SLC35F1: variants seen among roughly 807,000 people sequenced by gnomAD.
The protein encoded by SLC35F1 is solute carrier family 35 member F1, also known as chromosome 6 open reading frame 169.
Under a neutral mutation model 48.7 loss-of-function variants are expected in SLC35F1, and 14 were observed. The observed-to-expected ratio is 0.29, with a 90% CI of 0.19 to 0.45. SLC35F1 has a LOEUF of 0.45. Ranked by LOEUF, SLC35F1 falls within the 20% of genes least tolerant of loss-of-function variation. SLC35F1 has a pLI of 1.00. For synonymous variants in SLC35F1, 190 were observed against 202.2 expected (o/e 0.94, Z 0.51); for missense variants, 404 against 500.0 (o/e 0.81, Z 1.83).
intron 1 of SLC35F1, among the ~76,000 whole-genome samples, chr6:117,954,669 G>A (rs796706541): frequency 4.5e-4 from 68 of 152,252 alleles, no homozygotes; most frequent in African/African-American, 1.5e-3. Context: ...TATTCTCTCC[G>A]CTGGATATTT....
chr6:118,091,720 G>T (rs11758838), intron 1 of SLC35F1, among the ~76,000 whole-genome samples: 51,831 of 152,094 alleles, frequency 0.34, 9,393 homozygotes, highest in Middle Eastern at 0.47. Flanking sequence ...GGTTGGAACA[G>T]TTTGGAGGCC....
At chr6:117,910,721 G>A (rs1032152828) in intron 1 of SLC35F1, among the ~76,000 whole-genome samples, 1 of 152,178 alleles carries the variant, frequency 6.6e-6, no homozygotes, top group African/African-American at 2.4e-5. Flanking sequence ...GGCCAAAGGG[G>A]TAATGCTGAG....
intron 1 of SLC35F1, among the ~76,000 whole-genome samples, chr6:118,050,278 G>A (rs12199949): frequency 0.99 from 150,961 of 151,778 alleles, 75,081 homozygotes; most frequent in Middle Eastern, 1. Flanking sequence ...TGACAAGTTA[G>A]TGGGTGCAGC....
chr6:117,963,884 G>A (rs111568049), intron 1 of SLC35F1, among the ~76,000 whole-genome samples: 4 of 151,990 alleles, frequency 2.6e-5, no homozygotes, highest in Non-Finnish European at 2.9e-5. Context: ...GTAAACATGC[G>A]CCATGGTGGT....
intron 6 of SLC35F1, among the ~76,000 whole-genome samples, chr6:118,278,806 G>A (rs1224613115): frequency 1.3e-5 from 2 of 152,180 alleles, no homozygotes; most frequent in African/African-American, 2.4e-5. Context: ...CACATGCAGT[G>A]GTCCATGAGT....
Position 118,156,978 on chromosome 6 carries a change from G to A in SLC35F1, c.349+2358G>A, listed in dbSNP as rs1582700125. On this transcript the variant is annotated intron_variant, in intron 2 of 7. Transcript: ENST00000360388. ...GCTAAAAAAGCTTAGAAGATGAAAT[G>A]TAGTAAAATGCCTAGAGTTAATAAT... is the stretch of plus-strand genomic sequence containing the variant. Among the ~76,000 whole-genome samples, 3 of 152,288 alleles carry A rather than the reference G, an allele frequency of 2.0e-5. 1 individual carries two copies. The highest frequency in any genetic ancestry group is 2.0e-4 in the Admixed American group (3 of 15,302).
chr6:118,070,874 GTATATA>G (rs1278841982), intron 1 of SLC35F1, among the ~76,000 whole-genome samples: 5 of 110,038 alleles, frequency 4.5e-5, no homozygotes, highest in Admixed American at 1.1e-4. Context: ...TATATACTAT[GTATATA>G]TATACATAGT....
At chr6:117,967,103 C>G (rs955793123) in intron 1 of SLC35F1, among the ~76,000 whole-genome samples, 1 of 152,154 alleles carries the variant, frequency 6.6e-6, no homozygotes, top group African/African-American at 2.4e-5. Context: ...TTTTGAGACC[C>G]TTGCTTTCTT....
Position 118,277,563 on chromosome 6 carries a change from C to T in SLC35F1, c.847+17C>T. ...GGCAAATAGGTAAGGAGTTGGCTCA[C>T]ATACGATGCTCTTTTTATAACCTGA... On this transcript the variant is annotated intron_variant, in intron 6 of 7. Transcript: ENST00000360388. The T allele has an allele frequency of 6.2e-7, 1 of 1,611,232 alleles. No individual in the cohort carries two copies. The highest frequency in any genetic ancestry group is 8.5e-7 in the Non-Finnish European group (1 of 1,177,438).
At chr6:117,966,026 G>A (rs1776558626) in intron 1 of SLC35F1, among the ~76,000 whole-genome samples, 1 of 151,610 alleles carries the variant, frequency 6.6e-6, no homozygotes, top group Non-Finnish European at 1.5e-5. Context: ...ACTCTGTAAA[G>A]CAGGCCAATC....
chr6:118,044,209 T>G (rs1772267906), intron 1 of SLC35F1, among the ~76,000 whole-genome samples: 1 of 152,172 alleles, frequency 6.6e-6, no homozygotes. Context: ...AGGTTCTCAT[T>G]GCACCCATCA....
At chr6:117,917,289 G>T (rs1382792440) in intron 1 of SLC35F1, among the ~76,000 whole-genome samples, 1 of 152,108 alleles carries the variant, frequency 6.6e-6, no homozygotes, top group Non-Finnish European at 1.5e-5. Context: ...GTCAGAGAGG[G>T]TCAGTTGTCA....
intron 1 of SLC35F1, among the ~76,000 whole-genome samples, chr6:117,930,744 A>G (rs1426083065): frequency 1.3e-5 from 2 of 152,116 alleles, no homozygotes; most frequent in Admixed American, 6.6e-5. Flanking sequence ...GCAGGGCCCA[A>G]ACTTATTTCT....
intron 2 of SLC35F1, among the ~76,000 whole-genome samples, chr6:118,234,864 G>A (rs1341700458): frequency 8.7e-6 from 1 of 115,358 alleles, no homozygotes; most frequent in Non-Finnish European, 1.8e-5. Flanking sequence ...GAGATTCAAA[G>A]TCTGTTCTTA....
intron 4 of SLC35F1, among the ~76,000 whole-genome samples, chr6:118,273,597 A>G (rs1031872152): frequency 6.6e-6 from 1 of 152,224 alleles, no homozygotes; most frequent in Non-Finnish European, 1.5e-5. Flanking sequence ...ACTTAAAATT[A>G]AAAGTTTGTC....
At chr6:118,075,204 A>C (rs111908311) in intron 1 of SLC35F1, among the ~76,000 whole-genome samples, 2,214 of 152,340 alleles carry the variant, frequency 0.015, 61 homozygotes, top group African/African-American at 0.05. Context: ...TATGCTGGTC[A>C]GAATATAAAT....
intron 1 of SLC35F1, among the ~76,000 whole-genome samples, chr6:118,015,989 T>C (rs1253050024): frequency 6.6e-6 from 1 of 152,214 alleles, no homozygotes; most frequent in African/African-American, 2.4e-5. Flanking sequence ...GGAAGATCAT[T>C]TATAAAATTA....
intron 1 of SLC35F1, among the ~76,000 whole-genome samples, chr6:117,950,355 G>A (rs1776348225): frequency 6.6e-6 from 1 of 152,244 alleles, no homozygotes; most frequent in Non-Finnish European, 1.5e-5. Flanking sequence ...CTATCATCCT[G>A]AGGCTTGAAC....
chr6:118,105,603 C>T (rs1773316386), intron 1 of SLC35F1, among the ~76,000 whole-genome samples: 2 of 152,188 alleles, frequency 1.3e-5, no homozygotes, highest in South Asian at 4.1e-4. Flanking sequence ...TTAATAGCAT[C>T]CTTATCTATT....
Sources: gnomAD v4.1 joint callset for allele counts (sites outside exome capture counted in the v4.1 genomes callset) on GRCh38, gnomAD v4.1.1 for gene constraint, MANE v1.5 for transcripts, NCBI Gene and HGNC (gene_info 2026-07-23, HGNC 2026-07-21) for gene names.